C12orf42: variants seen among roughly 807,000 people sequenced by gnomAD.
The protein encoded by C12orf42 is chromosome 12 open reading frame 42, also known as uncharacterized protein C12orf42.
In C12orf42, 25 loss-of-function variants were observed where a neutral mutation model predicts 21.6. That is an observed-to-expected ratio of 1.16 (90% CI 0.84 to 1.62). The LOEUF is 1.62. Ranked by LOEUF, C12orf42 falls within the 40% of genes most tolerant of loss-of-function variation. C12orf42 has a pLI of 0.00. For missense variants in C12orf42, 483 were observed against 459.3 expected, an observed-to-expected ratio of 1.05 and a Z score of -0.47; for synonymous variants, 174 against 175.0, an observed-to-expected ratio of 0.99 and a Z score of 0.05.
chr12:103,497,751 G>C (rs571294863), upstream of C12orf42, among the ~76,000 whole-genome samples: 1 of 152,158 alleles, frequency 6.6e-6, no homozygotes, highest in Admixed American at 6.5e-5. Context: ...GAAAGAAAAG[G>C]CTGGGCACGG....
intron 2 of C12orf42, among the ~76,000 whole-genome samples, chr12:103,435,758 A>C (rs1455512455): frequency 2.0e-5 from 3 of 152,234 alleles, no homozygotes; most frequent in Admixed American, 6.5e-5. Context: ...ATGTGAAAAG[A>C]CCAAATCTAC....
chr12:103,332,239 C>T (rs754572417), intron 4 of C12orf42, among the ~76,000 whole-genome samples: 4 of 152,144 alleles, frequency 2.6e-5, no homozygotes, highest in Non-Finnish European at 5.9e-5. Context: ...TTCCATTTCA[C>T]GCGTAATGAA....
rs1021389397 is a variant in C12orf42, at chr12:103,302,280, T to C, written c.911A>G (p.His304Arg). The C allele has an allele frequency of 2.5e-6, 4 of 1,612,996 alleles. No homozygotes were observed. Among genetic ancestry groups the C allele is most frequent in the Middle Eastern group, 1.7e-4 (1 of 5,886 alleles). The change falls in exon 6 of 6, where the codon CAT becomes CGT. Residue 304 changes from histidine to arginine, a missense_variant. His to Arg is a conservative substitution (Grantham distance 29). Transcript: ENST00000548883. The stretch of plus-strand genomic sequence containing the variant: ...AAGGGGCGCTCCTGCCAGATTGCCA[T>C]GGAGGGAGGTGTCCGCCTGAGGCCT... ...DRRPQADTSL[H>R]GNLAGAPLPL...
the C12orf42 span, among the ~76,000 whole-genome samples, chr12:103,517,058 T>C: frequency 3.3e-5 from 5 of 152,178 alleles, no homozygotes; most frequent in Non-Finnish European, 5.9e-5. Flanking sequence ...TTCTCTGCAC[T>C]GTGGTAACAT....
At chr12:103,299,034 C>T (rs888588843), downstream of C12orf42, among the ~76,000 whole-genome samples, 1 of 152,128 alleles carries the variant, frequency 6.6e-6, no homozygotes, top group Non-Finnish European at 1.5e-5. Context: ...CTATTCTCAC[C>T]TCACTTATGT....
At chr12:103,438,939 C>T (rs1430760596) in intron 2 of C12orf42, among the ~76,000 whole-genome samples, 2 of 151,924 alleles carry the variant, frequency 1.3e-5, no homozygotes, top group Non-Finnish European at 2.9e-5. Context: ...AAAAAGAGCC[C>T]GCATCGCCAA....
chr12:103,083,512 C>A, the C12orf42 span, among the ~76,000 whole-genome samples: 5 of 152,194 alleles, frequency 3.3e-5, no homozygotes, highest in Admixed American at 3.3e-4. Flanking sequence ...TAGTTCATCT[C>A]TGTACTAGAA....
the C12orf42 span, among the ~76,000 whole-genome samples, chr12:103,126,431 A>G: frequency 3.3e-5 from 5 of 152,344 alleles, no homozygotes; most frequent in South Asian, 1.0e-3. Context: ...TCTTAATACA[A>G]CAAAGATTTA....
At chr12:103,484,135 T>C (rs1165011457) in intron 1 of C12orf42, among the ~76,000 whole-genome samples, 1 of 152,206 alleles carries the variant, frequency 6.6e-6, no homozygotes, top group African/African-American at 2.4e-5. Flanking sequence ...TGTGCATGTG[T>C]CTTTATAGTA....
At chr12:103,068,372 G>T in the C12orf42 span, among the ~76,000 whole-genome samples, 1 of 152,226 alleles carries the variant, frequency 6.6e-6, no homozygotes, top group Non-Finnish European at 1.5e-5. Flanking sequence ...TTGTACAAAG[G>T]ATAGTTGTAT....
chr12:103,295,493 C>T (rs1011559273), intron 4 of C12orf42, among the ~76,000 whole-genome samples: 4 of 151,986 alleles, frequency 2.6e-5, no homozygotes, highest in Non-Finnish European at 4.4e-5. Context: ...TGGAGGCAGT[C>T]ATTGGCCAAA....
At chr12:103,407,075 G>C (rs1668311712) in intron 2 of C12orf42, among the ~76,000 whole-genome samples, 1 of 152,070 alleles carries the variant, frequency 6.6e-6, no homozygotes, top group South Asian at 2.1e-4. Flanking sequence ...AGAACTCAAT[G>C]ACAGCCAAGG....
chr12:103,186,663 AT>A, the C12orf42 span, among the ~76,000 whole-genome samples: 1 of 152,194 alleles, frequency 6.6e-6, no homozygotes, highest in Non-Finnish European at 1.5e-5. Context: ...ATGAAAAATC[AT>A]GAATTAATGG....
the C12orf42 span, among the ~76,000 whole-genome samples, chr12:103,182,714 C>CA: frequency 5.9e-5 from 9 of 152,066 alleles, no homozygotes; most frequent in East Asian, 1.9e-4. Context: ...AGAAATAATA[C>CA]AAAAAAACAC....
the C12orf42 span, among the ~76,000 whole-genome samples, chr12:103,138,054 T>TA: frequency 6.6e-6 from 1 of 152,154 alleles, no homozygotes; most frequent in African/African-American, 2.4e-5. Context: ...AAATAATAAA[T>TA]AATTGAAGTG....
intron 3 of C12orf42, among the ~76,000 whole-genome samples, chr12:103,382,228 T>C (rs7962704): frequency 6.6e-6 from 1 of 152,150 alleles, no homozygotes; most frequent in African/African-American, 2.4e-5. Flanking sequence ...TTTGGCCAAA[T>C]GACTAGAATA....
At chr12:103,067,319 C>T in the C12orf42 span, among the ~76,000 whole-genome samples, 1 of 152,186 alleles carries the variant, frequency 6.6e-6, no homozygotes, top group Non-Finnish European at 1.5e-5. Context: ...GACCAAAACA[C>T]TCACTTTACG....
At chr12:103,271,491 T>A (rs2035472973) in intron 5 of C12orf42, among the ~76,000 whole-genome samples, 1 of 152,170 alleles carries the variant, frequency 6.6e-6, no homozygotes, top group African/African-American at 2.4e-5. Flanking sequence ...TGCCAATCAC[T>A]ACTTGTGTGA....
chr12:103,093,996 G>A, the C12orf42 span, among the ~76,000 whole-genome samples: 1 of 152,146 alleles, frequency 6.6e-6, no homozygotes, highest in Non-Finnish European at 1.5e-5. Flanking sequence ...TGCTGTGGGA[G>A]GAAAAGTCCA....
Sources: gnomAD v4.1 joint callset for allele counts (sites outside exome capture counted in the v4.1 genomes callset) on GRCh38, gnomAD v4.1.1 for gene constraint, MANE v1.5 for transcripts, NCBI Gene and HGNC (gene_info 2026-07-23, HGNC 2026-07-21) for gene names.